SAAL1: variants seen among roughly 807,000 people sequenced by gnomAD.
The protein encoded by SAAL1 is serum amyloid A like 1, also known as protein SAAL1.
In SAAL1, 42 loss-of-function variants were observed where a neutral mutation model predicts 59.8. The ratio of observed to expected loss-of-function variants is 0.70; its 90% CI spans 0.55 to 0.91. The LOEUF is 0.91. Among genes scored for constraint, SAAL1 ranks in the 40% least tolerant of loss-of-function variants. SAAL1 has a pLI of 0.00. For missense variants in SAAL1, 542 were observed against 561.1 expected, an observed-to-expected ratio of 0.97 and a Z score of 0.34; for synonymous variants, 191 against 194.3, an observed-to-expected ratio of 0.98 and a Z score of 0.14.
In SAAL1 at chr11:18,081,498, C is replaced by A. The variant is rs766041560; in HGVS notation, c.1245G>T (p.Thr415=). 1.9e-6 allele frequency: 3 copies of A among 1,613,540 alleles called. No individual in the cohort carries two copies. Among genetic ancestry groups the A allele is most frequent in the Admixed American group, 3.3e-5 (2 of 59,972 alleles). ...SNIFQALTKE[T]VAQGVKEGQL... is the part of the protein sequence containing the mutation. ...GGCCTTCCTTTACTCCCTGAGCCAC[C>A]GTCTCCTAAAACAACAACAAGATTT... Residue 415 remains threonine, a synonymous_variant, in exon 11 of 12, where the codon ACG becomes ACT. Coordinates refer to ENST00000524803, the MANE Select transcript of SAAL1 (RefSeq NM_138421.3).
At chr11:18,100,580 C>T (rs186949421) in intron 2 of SAAL1, among the ~76,000 whole-genome samples, 39 of 152,104 alleles carry the variant, frequency 2.6e-4, no homozygotes, top group Admixed American at 1.6e-3. Flanking sequence ...AAATACAGAG[C>T]GAGACTCTGT....
Position 18,106,030 on chromosome 11 carries a change from G to T in SAAL1, c.12C>A (p.Asn4Lys). 1.2e-6 allele frequency: 2 copies of T among 1,606,094 alleles called. No individual in the cohort carries two copies. The highest frequency in any genetic ancestry group is 8.5e-7 in the Non-Finnish European group (1 of 1,179,012). The change falls in exon 1 of 12, where the codon AAC (asparagine) becomes AAA (lysine). Residue 4 changes from asparagine (N) to lysine (K), a missense_variant. Physicochemically the swap from Asn to Lys is moderately conservative, Grantham distance 94 (BLOSUM62 0). Coordinates refer to ENST00000524803, the MANE Select transcript of SAAL1 (RefSeq NM_138421.3). ...CGCGACCCGGCGGCGGCGGCGAGGG[G>T]TTGCGGTCCATGACTTTGTCGCGTC... MDR[N>K]PSPPPPGRDK...
chr11:18,082,907 A>G (rs11024469), intron 10 of SAAL1, among the ~76,000 whole-genome samples: 63,077 of 152,102 alleles, frequency 0.41, 13,729 homozygotes, highest in African/African-American at 0.52. Flanking sequence ...CTGGGATTAT[A>G]GGCGCCTGGC....
At chr11:18,095,468 T>C (rs1039132192) in intron 3 of SAAL1, among the ~76,000 whole-genome samples, 10 of 152,202 alleles carry the variant, frequency 6.6e-5, no homozygotes, top group African/African-American at 2.2e-4. Context: ...AAATACACTA[T>C]GGAATTCTCC....
chr11:18,087,100 A>G (rs1848472482), intron 8 of SAAL1, 43 bp downstream of exon 8: 1 of 1,599,186 alleles, frequency 6.3e-7, no homozygotes, highest in Admixed American at 1.7e-5. Flanking sequence ...ATCAGCAAAC[A>G]ATTAAATGAG....
chr11:18,093,147 G>A (rs76185110), intron 3 of SAAL1, among the ~76,000 whole-genome samples: 3,471 of 152,124 alleles, frequency 0.023, 153 homozygotes, highest in African/African-American at 0.081. Flanking sequence ...CTATCAGATC[G>A]ACCATCGGGA....
At chr11:18,104,481 C>A in intron 1 of SAAL1, among the ~76,000 whole-genome samples, 1 of 148,804 alleles carries the variant, frequency 6.7e-6, no homozygotes. Flanking sequence ...TGGGGAAAGA[C>A]ATGTAAAGGG....
chr11:18,096,697 A>T, intron 3 of SAAL1, 74 bp downstream of exon 3: 1 of 817,126 alleles, frequency 1.2e-6, no homozygotes, highest in Non-Finnish European at 2.1e-6. Context: ...CAAAGTGAGA[A>T]AAATAAAAGA....
At position 18,105,925 on chromosome 11, in the gene SAAL1, G is replaced by A. The variant is rs762258233; in HGVS notation, c.117C>T (p.Val39=). ...TCCACACCTGGATGAGTCCGCTGAG[G>A]ACGCCGAAGAGCCAGTGTTTGCTGT... ...TVYSKHWLFG[V]LSGLIQIVSP... The change falls in exon 1 of 12, where the codon GTC becomes GTT. Residue 39 remains valine (V), a synonymous_variant. Coordinates refer to ENST00000524803, the MANE Select transcript of SAAL1 (RefSeq NM_138421.3). 12 of 1,604,092 alleles carry A rather than the reference G, an allele frequency of 7.5e-6. No homozygotes were observed. Among genetic ancestry groups the A allele is most frequent in the Non-Finnish European group, 1.0e-5 (12 of 1,175,880 alleles).
intron 11 of SAAL1, among the ~76,000 whole-genome samples, chr11:18,081,084 T>G (rs962370510): frequency 6.6e-6 from 1 of 152,184 alleles, no homozygotes; most frequent in African/African-American, 2.4e-5. Context: ...CAGATGAACC[T>G]GTTACCCAGG....
chr11:18,082,407 C>G (rs1848420050), intron 10 of SAAL1, among the ~76,000 whole-genome samples: 1 of 152,016 alleles, frequency 6.6e-6, no homozygotes, highest in Non-Finnish European at 1.5e-5. Flanking sequence ...TTATAATACC[C>G]AATAATAAGC....
At chr11:18,102,454 G>A (rs1464021796) in intron 2 of SAAL1, among the ~76,000 whole-genome samples, 2 of 151,432 alleles carry the variant, frequency 1.3e-5, no homozygotes, top group African/African-American at 2.4e-5. Context: ...CAGTTTTTTG[G>A]TGTTAATTAT....
intron 4 of SAAL1, 114 bp from the exon 5 acceptor site, chr11:18,090,607 A>C (rs1848514285): frequency 8.7e-7 from 1 of 1,148,464 alleles, no homozygotes; most frequent in Admixed American, 3.1e-5. Flanking sequence ...TATTCAGAAA[A>C]GCTCAAAAGA....
intron 1 of SAAL1, among the ~76,000 whole-genome samples, chr11:18,105,401 T>A (rs985312890): frequency 6.7e-6 from 1 of 150,348 alleles, no homozygotes; most frequent in Non-Finnish European, 1.5e-5. Flanking sequence ...CTCAAACTCC[T>A]GGCTCAAGCG....
intron 1 of SAAL1, among the ~76,000 whole-genome samples, chr11:18,105,332 CTTTTTTT>C (rs905892562): frequency 2.4e-5 from 3 of 127,444 alleles, no homozygotes; most frequent in African/African-American, 8.7e-5. Flanking sequence ...TCACGACCGG[CTTTTTTT>C]TTTTTTTTTT....
chr11:18,101,530 T>C (rs7106792), intron 2 of SAAL1, among the ~76,000 whole-genome samples: 3,652 of 152,276 alleles, frequency 0.024, 136 homozygotes, highest in African/African-American at 0.083. Context: ...CCTTCTGCCA[T>C]GATTGTAAGT....
At chr11:18,100,267 T>C (rs905115836) in intron 2 of SAAL1, among the ~76,000 whole-genome samples, 2 of 152,216 alleles carry the variant, frequency 1.3e-5, no homozygotes, top group Non-Finnish European at 2.9e-5. Flanking sequence ...GTCAACATGG[T>C]AAATATTTCA....
At chr11:18,084,585 C>T (rs927134235) in intron 9 of SAAL1, among the ~76,000 whole-genome samples, 3 of 152,188 alleles carry the variant, frequency 2.0e-5, no homozygotes, top group Admixed American at 1.3e-4. Context: ...GAATGTTCTT[C>T]TCCCCAAGTA....
At chr11:18,081,171 A>G (rs1401640058) in intron 11 of SAAL1, among the ~76,000 whole-genome samples, 1 of 151,960 alleles carries the variant, frequency 6.6e-6, no homozygotes, top group Non-Finnish European at 1.5e-5. Flanking sequence ...TGTGGTCCCC[A>G]GTGTCTACTG....
Sources: allele counts gnomAD v4.1 joint callset (sites outside exome capture counted in the v4.1 genomes callset), GRCh38; gene constraint gnomAD v4.1.1; transcripts MANE v1.5; gene names NCBI Gene and HGNC (gene_info 2026-07-23, HGNC 2026-07-21).